GALNT17: variants seen among roughly 807,000 people sequenced by gnomAD.
GALNT17 encodes UDP-GalNAc:polypeptide N-acetylgalactosaminyltransferase-like 3.
Under a neutral mutation model 63.7 loss-of-function variants are expected in GALNT17, and 29 were observed. That is an observed-to-expected ratio of 0.46 (90% CI 0.34 to 0.62). The LOEUF (loss-of-function observed/expected upper bound fraction) is 0.62. Ranked by LOEUF, GALNT17 falls within the 20% of genes least tolerant of loss-of-function variation. The pLI, the probability that GALNT17 is intolerant of heterozygous loss-of-function variation, is 0.01. For synonymous variants in GALNT17, 305 were observed against 318.3 expected, an observed-to-expected ratio of 0.96 and a Z score of 0.45; for missense variants, 603 against 799.6, an observed-to-expected ratio of 0.75 and a Z score of 2.97.
chr7:71,490,635 T>A (rs1330689252), intron 5 of GALNT17, among the ~76,000 whole-genome samples: 1 of 152,066 alleles, frequency 6.6e-6, no homozygotes, highest in African/African-American at 2.4e-5. Flanking sequence ...CAAGGTGGCA[T>A]GTGCCTATAC....
intron 1 of GALNT17, among the ~76,000 whole-genome samples, chr7:71,259,078 C>T (rs1024501894): frequency 4.6e-5 from 7 of 152,130 alleles, no homozygotes; most frequent in African/African-American, 9.7e-5. Flanking sequence ...CCTGGCACAC[C>T]GTACCCACTG....
At chr7:71,517,779 A>G (rs1001983371) in intron 5 of GALNT17, among the ~76,000 whole-genome samples, 1 of 152,204 alleles carries the variant, frequency 6.6e-6, no homozygotes, top group Non-Finnish European at 1.5e-5. Flanking sequence ...CATGGCACTT[A>G]CACACTACAG....
At chr7:71,668,465 A>G (rs1173641362) in intron 7 of GALNT17, among the ~76,000 whole-genome samples, 1 of 135,288 alleles carries the variant, frequency 7.4e-6, no homozygotes, top group African/African-American at 2.8e-5. Context: ...GCGGTGAGCC[A>G]AGATCGCACC....
At chr7:71,245,655 T>C (rs1790080257) in intron 1 of GALNT17, among the ~76,000 whole-genome samples, 1 of 152,180 alleles carries the variant, frequency 6.6e-6, no homozygotes, top group Non-Finnish European at 1.5e-5. Context: ...TTTAGATTTT[T>C]CTGTCTCTTT....
chr7:71,184,054 C>G (rs142264090), intron 1 of GALNT17, among the ~76,000 whole-genome samples: 1 of 152,148 alleles, frequency 6.6e-6, no homozygotes, highest in East Asian at 1.9e-4. Context: ...CGGTCGTTAA[C>G]GAGGTAATTA....
chr7:71,390,249 G>C (rs898449994), intron 3 of GALNT17, among the ~76,000 whole-genome samples: 6 of 152,114 alleles, frequency 3.9e-5, no homozygotes, highest in Non-Finnish European at 7.4e-5. Context: ...GCAATGCCAC[G>C]GGTCCTGTTT....
At chr7:71,515,152 A>G (rs1055260453) in intron 5 of GALNT17, among the ~76,000 whole-genome samples, 2 of 152,158 alleles carry the variant, frequency 1.3e-5, no homozygotes, top group Non-Finnish European at 2.9e-5. Flanking sequence ...AGTTTTAGGT[A>G]TGTCCTTATA....
At chr7:71,182,262 G>A (rs776656898) in intron 1 of GALNT17, among the ~76,000 whole-genome samples, 4 of 152,230 alleles carry the variant, frequency 2.6e-5, no homozygotes, top group Non-Finnish European at 5.9e-5. Context: ...AGGTGGAGAC[G>A]TGAGACATCA....
intron 5 of GALNT17, among the ~76,000 whole-genome samples, chr7:71,450,125 G>T: frequency 7.3e-6 from 1 of 137,428 alleles, no homozygotes; most frequent in Non-Finnish European, 1.5e-5. Flanking sequence ...TTTATTAGTT[G>T]TTAGTATTTA....
chr7:71,294,409 C>CTTTTT (rs869086513), intron 1 of GALNT17, among the ~76,000 whole-genome samples: 24 of 91,912 alleles, frequency 2.6e-4, no homozygotes, highest in African/African-American at 4.5e-4. Context: ...CTCATAAGTC[C>CTTTTT]TTTTTTTTTT....
chr7:71,632,717 G>C (rs1790469800), intron 6 of GALNT17, among the ~76,000 whole-genome samples: 1 of 152,148 alleles, frequency 6.6e-6, no homozygotes, highest in African/African-American at 2.4e-5. Flanking sequence ...AGGATTGTGA[G>C]CCCGGGGAAC....
At chr7:71,263,705 C>T (rs563029368) in intron 1 of GALNT17, among the ~76,000 whole-genome samples, 324 of 151,954 alleles carry the variant, frequency 2.1e-3, no homozygotes, top group Non-Finnish European at 3.6e-3. Flanking sequence ...GGGCGGATCA[C>T]TAGGTCAGGA....
chr7:71,267,367 GTTT>G lies in GALNT17; in HGVS notation c.239-68169_239-68167del, dbSNP rs11297482. Among the ~76,000 whole-genome samples, 330 of 146,386 alleles carry G rather than the reference GTTT, an allele frequency of 2.3e-3. 1 individual carries two copies. Among genetic ancestry groups the G allele is most frequent in the East Asian group, 5.8e-3 (29 of 5,000 alleles). On this transcript the variant is annotated intron_variant, in intron 1 of 10. Transcript: ENST00000333538. ...ATATCTCCTGTTAAGGGATTTTCTA[GTTT>G]TTTTTTTTTTTTTCTTCTAGGAGGA...
At chr7:71,542,941 G>C (rs1210764655) in intron 5 of GALNT17, among the ~76,000 whole-genome samples, 2 of 151,410 alleles carry the variant, frequency 1.3e-5, no homozygotes, top group African/African-American at 4.9e-5. Flanking sequence ...TTTTAAATCT[G>C]AGCTGTAAGA....
chr7:71,568,001 G>A (rs373129543), intron 5 of GALNT17, among the ~76,000 whole-genome samples: 20 of 152,280 alleles, frequency 1.3e-4, no homozygotes, highest in East Asian at 1.2e-3. Context: ...ATGAGGGTCC[G>A]AGACTACAGT....
At chr7:71,167,002 G>GT (rs1329133490) in intron 1 of GALNT17, among the ~76,000 whole-genome samples, 1 of 150,526 alleles carries the variant, frequency 6.6e-6, no homozygotes, top group African/African-American at 2.4e-5. Flanking sequence ...AGCCTCCCCA[G>GT]TAGCTGGGAC....
rs559719723 is a variant in GALNT17, at chr7:71,564,725, G to T, written c.963-6560G>T. Among the ~76,000 whole-genome samples, 58 of 152,268 alleles carry T rather than the reference G, an allele frequency of 3.8e-4. No homozygotes were observed. In the East Asian group the frequency reaches 8.3e-3, roughly 22 times the overall value. ...CGCCTGGGACACAGGTGGAGGTCTG[G>T]TTTCCCACAGCCTCCTGGGCACCTC... On this transcript the variant is annotated intron_variant, in intron 5 of 10. Coordinates refer to ENST00000333538, the MANE Select transcript of GALNT17 (RefSeq NM_022479.3).
intron 5 of GALNT17, among the ~76,000 whole-genome samples, chr7:71,503,003 T>C (rs954507058): frequency 6.6e-6 from 1 of 152,150 alleles, no homozygotes; most frequent in African/African-American, 2.4e-5. Context: ...GCACTGTTGA[T>C]CACCCACCCT....
chr7:71,687,991 C>T (rs1791387398), intron 9 of GALNT17, among the ~76,000 whole-genome samples: 1 of 152,116 alleles, frequency 6.6e-6, no homozygotes, highest in Admixed American at 6.5e-5. Context: ...AGCCACTGCA[C>T]CTGACCCAGA....
Sources: allele counts gnomAD v4.1 joint callset (sites outside exome capture counted in the v4.1 genomes callset), GRCh38; gene constraint gnomAD v4.1.1; transcripts MANE v1.5; gene names NCBI Gene and HGNC (gene_info 2026-07-23, HGNC 2026-07-21).